OR2B11: variants seen among roughly 807,000 people sequenced by gnomAD.
The protein encoded by OR2B11 is olfactory receptor 2B11.
For missense variants in OR2B11, 422 were observed against 400.0 expected (o/e 1.05, Z -0.47); for synonymous variants, 198 against 174.5 (o/e 1.13, Z -1.06).
Position 247,452,506 on chromosome 1 carries a change from C to G in OR2B11, c.-524G>C. Reference sequence around the variant, plus strand: ...CGGTGACATAAAGCAAGCAGAAGGGCTTTGTGAGCAGCTGGGGGCTGTATT... The same window carrying G: ...CGGTGACATAAAGCAAGCAGAAGGGGTTTGTGAGCAGCTGGGGGCTGTATT... On this transcript the variant is annotated 5_prime_UTR_variant, in exon 2 of 2. Transcript: ENST00000641149. 1 of 160,856 alleles carries G rather than the reference C, an allele frequency of 6.2e-6. No homozygotes were observed. The highest frequency in any genetic ancestry group is 1.8e-4 in the East Asian group (1 of 5,618). The allele number at this position is 160,856 out of a possible 1,614,324, so 10.0% of individuals were successfully genotyped here.
chr1:247,457,283 A>G (rs766533493), intron 1 of OR2B11, among the ~76,000 whole-genome samples: 3 of 151,856 alleles, frequency 2.0e-5, no homozygotes, highest in Admixed American at 6.6e-5. Flanking sequence ...TGCTCAGCTC[A>G]CTACTGCCCT....
chr1:247,457,165 G>A (rs1202690421), intron 1 of OR2B11, among the ~76,000 whole-genome samples: 4 of 151,660 alleles, frequency 2.6e-5, no homozygotes, highest in Non-Finnish European at 4.4e-5. Flanking sequence ...ACACGTCATC[G>A]CCTTTTTATG....
Position 247,451,819 on chromosome 1 carries a change from A to T in OR2B11, c.164T>A (p.Val55Glu). The T allele has an allele frequency of 6.2e-7, 1 of 1,614,104 alleles. No individual in the cohort carries two copies. Among genetic ancestry groups the T allele is most frequent in the African/African-American group, 1.3e-5 (1 of 75,028 alleles). Residue 55 changes from valine to glutamate, a missense_variant, in exon 2 of 2, where the codon GTG becomes GAG. Coordinates refer to ENST00000641149, the MANE Select transcript of OR2B11 (RefSeq NM_001004492.2). Reference sequence around the variant, plus strand: ...CATGGGGCTGTGGAGTTGAGGATCCACCCGGGATGCCAGGATGATGGCGAC... The same window carrying T: ...CATGGGGCTGTGGAGTTGAGGATCCTCCCGGGATGCCAGGATGATGGCGAC... ...GNVAIILASRVDPQLHSPMYI... is the reference protein window; with the variant it reads ...GNVAIILASREDPQLHSPMYI...
chr1:247,451,052 T>C lies in OR2B11; in HGVS notation c.931A>G (p.Arg311Gly), dbSNP rs1664829765. The change falls in exon 2 of 2, where the codon AGG becomes GGG. Residue 311 changes from arginine to glycine, a missense_variant. Transcript: ENST00000641149. Reference protein sequence around the residue: ...MKGALRRLLARIWRLCG With the variant: ...MKGALRRLLAGIWRLCG ...CATCATCCACAGAGCCTCCAGATCC[T>C]GGCCAGAAGTCTCCTCAGAGCCCCC... The C allele has an allele frequency of 2.0e-6, 3 of 1,500,674 alleles. No individual in the cohort carries two copies. The highest frequency in any genetic ancestry group is 4.6e-5 in the Admixed American group (2 of 43,216). 93.0% of individuals were successfully genotyped at this position (1,500,674 alleles called of 1,614,324 possible). A position where few individuals can be genotyped will look rare whatever the true frequency, so the allele number is the denominator to read the frequency against.
rs1572246272 is a variant in OR2B11, at chr1:247,454,287, G to C, written c.-2305C>G. 1 of 152,726 alleles carries C rather than the reference G, an allele frequency of 6.5e-6. No individual in the cohort carries two copies. Among genetic ancestry groups the C allele is most frequent in the African/African-American group, 2.4e-5 (1 of 41,554 alleles). The allele number at this position is 152,726 out of a possible 1,614,324, so 9.5% of individuals were successfully genotyped here. ...CATGCCCTGGATCTGATGCCCTTCT[G>C]TTCAGGTGTTTCCACACGGAGCTTT... On this transcript the variant is annotated 5_prime_UTR_variant, in exon 2 of 2. Transcript: ENST00000641149.
In OR2B11 at chr1:247,451,187, G is replaced by T. The variant is rs939277811; in HGVS notation, c.796C>A (p.Pro266Thr). 1 of 1,567,680 alleles carries T rather than the reference G, an allele frequency of 6.4e-7. No individual in the cohort carries two copies. Among genetic ancestry groups the T allele is most frequent in the Non-Finnish European group, 8.7e-7 (1 of 1,154,888 alleles). Residue 266 changes from proline (P) to threonine (T), a missense_variant, in exon 2 of 2, where the codon CCC (proline) becomes ACC (threonine). By Grantham distance (38) the Pro-to-Thr change is conservative. Transcript: ENST00000641149. ...TGCTCTTGGGAGTAGCTGGAAGGGG[G>T]CTGCAGATACATGTAAATCGCAGGT... ...YLPAIYMYLQ[P>T]PSSYSQEQGK...
At chr1:247,456,853 C>T (rs556161901) in intron 1 of OR2B11, among the ~76,000 whole-genome samples, 1 of 152,272 alleles carries the variant, frequency 6.6e-6, no homozygotes, top group African/African-American at 2.4e-5. Flanking sequence ...AGAACATGAA[C>T]ATGTCTTACA....
chr1:247,454,834 T>C lies in OR2B11; in HGVS notation c.-2852A>G, dbSNP rs12124827. The C allele has an allele frequency of 0.75, 114,229 of 152,114 alleles. 43,196 individuals are homozygous for C. The highest frequency in any genetic ancestry group is 0.94 in the East Asian group (4,838 of 5,150). 9.4% of individuals were successfully genotyped at this position (152,114 alleles called of 1,614,324 possible). On this transcript the variant is annotated 5_prime_UTR_variant, in exon 2 of 2. Transcript: ENST00000641149. Reference sequence around the variant, plus strand: ...TTGCTACCTGCCTCTCTGCAGGCAGTTTCAACCCCTCACTCACCCTCACAC... The same window carrying C: ...TTGCTACCTGCCTCTCTGCAGGCAGCTTCAACCCCTCACTCACCCTCACAC...
chr1:247,451,796 TG>T lies in OR2B11; in HGVS notation c.186del (p.Met63CysfsTer104). The T allele has an allele frequency of 6.2e-7, 1 of 1,614,120 alleles. No individual in the cohort carries two copies. The highest frequency in any genetic ancestry group is 1.3e-5 in the African/African-American group (1 of 75,006). ...ASRVDPQLHS[P>X]MYIFLSHLSF... ...GACAGGTGACTGAGGAAGATGTACA[TG>T]GGGCTGTGGAGTTGAGGATCCACCC... is the stretch of plus-strand genomic sequence containing the variant. On this transcript the variant is annotated frameshift_variant, in exon 2 of 2. Transcript: ENST00000641149. LOFTEE classifies it low-confidence loss of function (END_TRUNC).
At chr1:247,457,174 T>C (rs1664979855) in intron 1 of OR2B11, among the ~76,000 whole-genome samples, 3 of 151,390 alleles carry the variant, frequency 2.0e-5, no homozygotes. Context: ...CGCCTTTTTA[T>C]GTGGTCTGAC....
rs1175521161 is a variant in OR2B11, at chr1:247,450,684, G to A, written c.*345C>T. On this transcript the variant is annotated 3_prime_UTR_variant, in exon 2 of 2. Coordinates refer to ENST00000641149, the MANE Select transcript of OR2B11 (RefSeq NM_001004492.2). ...AGATTGTATTTCAGCTTCATCTTGT[G>A]TATACTTAGGAGTAATAGAAAAGAG... The A allele has an allele frequency of 1.1e-5, 2 of 180,332 alleles. No homozygotes were observed. Among genetic ancestry groups the A allele is most frequent in the African/African-American group, 4.7e-5 (2 of 42,664 alleles). 11.2% of individuals were successfully genotyped at this position (180,332 alleles called of 1,614,324 possible).
Position 247,457,993 on chromosome 1 carries a change from A to T in OR2B11, c.-3437T>A, listed in dbSNP as rs1397045934. ...CCCCAGAGTGCCTATAGGTACCTTG[A>T]CATGGTGGAGGTTACTTCCGAGGAT... On this transcript the variant is annotated 5_prime_UTR_variant, in exon 1 of 2. Coordinates refer to ENST00000641149, the MANE Select transcript of OR2B11 (RefSeq NM_001004492.2). The T allele has an allele frequency of 6.6e-6, 1 of 152,178 alleles. No homozygotes were observed. The highest frequency in any genetic ancestry group is 6.5e-5 in the Admixed American group (1 of 15,276). The allele number at this position is 152,178 out of a possible 1,614,324, so 9.4% of individuals were successfully genotyped here. A position where few individuals can be genotyped will look rare whatever the true frequency, so the allele number is the denominator to read the frequency against.
chr1:247,451,986 G>A lies in OR2B11; in HGVS notation c.-4C>T. 2 of 1,583,682 alleles carry A rather than the reference G, an allele frequency of 1.3e-6. No homozygotes were observed. Among genetic ancestry groups the A allele is most frequent in the Non-Finnish European group, 1.7e-6 (2 of 1,154,712 alleles). On this transcript the variant is annotated 5_prime_UTR_variant, in exon 2 of 2. It introduces an in-frame stop codon into an upstream open reading frame of the 5' UTR. Transcript: ENST00000641149. Reference sequence around the variant, plus strand: ...AGCTATGGTTGTCACTTTTCATGTTGCGGCATTTTCTGGCACTTGTGGCAA... The same window carrying A: ...AGCTATGGTTGTCACTTTTCATGTTACGGCATTTTCTGGCACTTGTGGCAA...
chr1:247,451,632 G>A lies in OR2B11; in HGVS notation c.351C>T (p.Ile117=), dbSNP rs545432514. The A allele has an allele frequency of 9.3e-6, 15 of 1,613,966 alleles. No homozygotes were observed. Among genetic ancestry groups the A allele is most frequent in the South Asian group, 2.2e-5 (2 of 91,092 alleles). Residue 117 remains isoleucine, a synonymous_variant, in exon 2 of 2, where the codon ATC becomes ATT. Coordinates refer to ENST00000641149, the MANE Select transcript of OR2B11 (RefSeq NM_001004492.2). ...GGTCCAGGGCCATGGCGGCCAGGAC[G>A]ATGCACTCCGTGCATCCCAGCCAGT... ...VFHWLGCTEC[I]VLAAMALDRY...
intron 1 of OR2B11, among the ~76,000 whole-genome samples, chr1:247,455,916 A>G (rs1357331487): frequency 6.6e-6 from 1 of 152,206 alleles, no homozygotes; most frequent in Non-Finnish European, 1.5e-5. Flanking sequence ...CCACAGTACA[A>G]AGGGGTTTGA....
rs1664854394 is a variant in OR2B11 at position 247,451,792 on chromosome 1, T to C, written c.191A>G (p.Tyr64Cys). ...RVDPQLHSPM[Y>C]IFLSHLSFLD... ...GAAGGACAGGTGACTGAGGAAGATG[T>C]ACATGGGGCTGTGGAGTTGAGGATC... Residue 64 changes from tyrosine to cysteine, a missense_variant, in exon 2 of 2, where the codon TAC (tyrosine) becomes TGC (cysteine). Transcript: ENST00000641149. 1.9e-6 allele frequency: 3 copies of C among 1,614,134 alleles called. No homozygotes were observed. The highest frequency in any genetic ancestry group is 2.5e-6 in the Non-Finnish European group (3 of 1,180,024).
Position 247,449,700 on chromosome 1 carries a change from A to T in OR2B11, c.*1329T>A, listed in dbSNP as rs1664794970. 1 of 151,830 alleles carries T rather than the reference A, an allele frequency of 6.6e-6. No individual in the cohort carries two copies. Among genetic ancestry groups the T allele is most frequent in the Non-Finnish European group, 1.5e-5 (1 of 68,034 alleles). 9.4% of individuals were successfully genotyped at this position (151,830 alleles called of 1,614,324 possible). A position where few individuals can be genotyped will look rare whatever the true frequency, so the allele number is the denominator to read the frequency against. On this transcript the variant is annotated 3_prime_UTR_variant, in exon 2 of 2. Transcript: ENST00000641149. The stretch of plus-strand genomic sequence containing the variant: ...AGACTATTTTTATAAGGGAAACAGT[A>T]TGAGATTTACATTCTGTTGCAAACT...
intron 1 of OR2B11, among the ~76,000 whole-genome samples, chr1:247,455,375 C>T (rs116406179): frequency 0.012 from 1,774 of 152,312 alleles, 32 homozygotes; most frequent in African/African-American, 0.04. Context: ...AGGCCCTGTT[C>T]AGCTGCGGAG....
Position 247,450,038 on chromosome 1 carries a change from G to C in OR2B11, c.*991C>G, listed in dbSNP as rs958034825. 6.6e-6 allele frequency: 1 copy of C among 152,206 alleles called. No homozygotes were observed. The allele number at this position is 152,206 out of a possible 1,614,324, so 9.4% of individuals were successfully genotyped here. ...GAGTCTTGCTCTGTCGCCCAGTCTG[G>C]AGTGCAGAGGCGCGATCTCGGCTCA... On this transcript the variant is annotated 3_prime_UTR_variant, in exon 2 of 2. Coordinates refer to ENST00000641149, the MANE Select transcript of OR2B11 (RefSeq NM_001004492.2).
Sources: allele counts gnomAD v4.1 joint callset (sites outside exome capture counted in the v4.1 genomes callset), GRCh38; gene constraint gnomAD v4.1.1; transcripts MANE v1.5; gene names NCBI Gene and HGNC (gene_info 2026-07-23, HGNC 2026-07-21).